SNX4: variants seen among roughly 807,000 people sequenced by gnomAD.
The protein encoded by SNX4 is sorting nexin-4.
A neutral mutation model predicts 70.8 loss-of-function variants in SNX4; 49 were observed. The ratio of observed to expected loss-of-function variants is 0.69; its 90% confidence interval spans 0.55 to 0.88. SNX4 has a LOEUF of 0.88. SNX4 is among the 40% of genes least tolerant of loss of function. The probability of loss-of-function intolerance (pLI) is 0.00; values close to 1 mark genes in which losing one functional copy is unlikely to be tolerated. For synonymous variants in SNX4, 206 were observed against 183.8 expected, an observed-to-expected ratio of 1.12 and a Z score of -0.98; for missense variants, 528 against 544.8, an observed-to-expected ratio of 0.97 and a Z score of 0.31.
At chr3:125,514,096 T>A (rs1318611298) in intron 1 of SNX4, among the ~76,000 whole-genome samples, 1 of 151,586 alleles carries the variant, frequency 6.6e-6, no homozygotes, top group Admixed American at 6.6e-5. Flanking sequence ...CATGATCTAA[T>A]CACCTTCCAA....
chr3:125,494,754 G>A (rs1229115930), intron 5 of SNX4, among the ~76,000 whole-genome samples: 2 of 152,142 alleles, frequency 1.3e-5, no homozygotes, highest in Non-Finnish European at 2.9e-5. Flanking sequence ...AATTAAGAGT[G>A]CACAAGCAAA....
In SNX4 at chr3:125,447,484, T is replaced by C. The variant is rs1933451784; in HGVS notation, c.*295A>G. The C allele has an allele frequency of 4.1e-6, 1 of 241,822 alleles. No homozygotes were observed. Among genetic ancestry groups the C allele is most frequent in the African/African-American group, 2.3e-5 (1 of 44,312 alleles). 15.0% of individuals were successfully genotyped at this position (241,822 alleles called of 1,614,324 possible). A position where few individuals can be genotyped will look rare whatever the true frequency, so the allele number is the denominator to read the frequency against. ...ACAAACATCTAGAAATTAACGAACATCTTGACATTCAGTCATTGGTTCAGA... is the reference window on the plus strand; with the variant it reads ...ACAAACATCTAGAAATTAACGAACACCTTGACATTCAGTCATTGGTTCAGA... On this transcript the variant is annotated 3_prime_UTR_variant, in exon 14 of 14. Transcript: ENST00000251775.
At chr3:125,517,543 A>AT (rs1261364808) in intron 1 of SNX4, among the ~76,000 whole-genome samples, 1 of 152,136 alleles carries the variant, frequency 6.6e-6, no homozygotes, top group African/African-American at 2.4e-5. Flanking sequence ...TTTTAGTTTG[A>AT]TTTTCTCTTT....
chr3:125,480,185 A>C (rs1934378988), intron 7 of SNX4, 62 bp downstream of exon 7: 1 of 1,026,478 alleles, frequency 9.7e-7, no homozygotes, highest in Admixed American at 2.7e-5. Flanking sequence ...TGAAAACAGA[A>C]TGATTACATG....
At chr3:125,488,779 A>G (rs73859201) in intron 6 of SNX4, among the ~76,000 whole-genome samples, 1 of 152,234 alleles carries the variant, frequency 6.6e-6, no homozygotes, top group Non-Finnish European at 1.5e-5. Flanking sequence ...GCCTAAGCAC[A>G]TATCCAATTA....
chr3:125,448,899 G>C (rs531702931), intron 13 of SNX4, among the ~76,000 whole-genome samples: 1 of 151,372 alleles, frequency 6.6e-6, no homozygotes, highest in Admixed American at 6.6e-5. Context: ...GGATGGTGTC[G>C]ATCTCCTGAC....
At chr3:125,484,158 A>G (rs977110569) in intron 6 of SNX4, among the ~76,000 whole-genome samples, 7 of 152,322 alleles carry the variant, frequency 4.6e-5, no homozygotes, top group East Asian at 1.9e-4. Context: ...GAGGTTGTCT[A>G]TATCCAAACC....
At chr3:125,456,403 G>T (rs1036556551) in intron 11 of SNX4, among the ~76,000 whole-genome samples, 95 of 152,142 alleles carry the variant, frequency 6.2e-4, no homozygotes, top group African/African-American at 2.2e-3. Context: ...GCTTACCCCT[G>T]TAATCCTAGC....
intron 10 of SNX4, among the ~76,000 whole-genome samples, chr3:125,460,399 G>A (rs558828451): frequency 9.9e-5 from 15 of 152,244 alleles, no homozygotes; most frequent in Non-Finnish European, 1.3e-4. Context: ...ACATAAGGAC[G>A]TTGTACAAGC....
intron 13 of SNX4, among the ~76,000 whole-genome samples, chr3:125,450,961 A>G (rs1056411675): frequency 3.3e-5 from 5 of 152,200 alleles, no homozygotes; most frequent in Admixed American, 3.3e-4. Context: ...AGTAATGGGC[A>G]TACTGGTTGT....
intron 6 of SNX4, among the ~76,000 whole-genome samples, chr3:125,484,239 C>T (rs1323984062): frequency 1.3e-5 from 2 of 152,180 alleles, no homozygotes; most frequent in Non-Finnish European, 2.9e-5. Context: ...CCATTACAGG[C>T]TTTATGCTTC....
intron 1 of SNX4, among the ~76,000 whole-genome samples, chr3:125,513,515 C>T (rs1935213264): frequency 6.6e-6 from 1 of 152,082 alleles, no homozygotes; most frequent in Non-Finnish European, 1.5e-5. Context: ...TACTTTTCCG[C>T]CATTATTTTT....
intron 1 of SNX4, among the ~76,000 whole-genome samples, chr3:125,506,344 C>CTTTTTTTTTTTTTT (rs552693772): frequency 4.4e-5 from 6 of 137,720 alleles, no homozygotes; most frequent in African/African-American, 1.6e-4. Flanking sequence ...TTTTTCATTT[C>CTTTTTTTTTTTTTT]TTTTTTTTTT....
At chr3:125,507,652 T>A (rs923538155) in intron 1 of SNX4, among the ~76,000 whole-genome samples, 1 of 152,318 alleles carries the variant, frequency 6.6e-6, no homozygotes, top group East Asian at 1.9e-4. Flanking sequence ...ATAAGGAATC[T>A]TCAATAAGGT....
At chr3:125,493,149 A>G (rs1934699470) in intron 5 of SNX4, among the ~76,000 whole-genome samples, 1 of 152,132 alleles carries the variant, frequency 6.6e-6, no homozygotes, top group African/African-American at 2.4e-5. Flanking sequence ...GAGTCTTGCT[A>G]TGTTACCCAG....
intron 1 of SNX4, among the ~76,000 whole-genome samples, chr3:125,509,752 C>CAAAAAAAAAAAAAAA (rs202049305): frequency 1.5e-5 from 1 of 68,686 alleles, no homozygotes; most frequent in Non-Finnish European, 2.8e-5. Context: ...GAATCTGTCT[C>CAAAAAAAAAAAAAAA]AAAAAAAAAA....
rs1391427898 is a variant in SNX4 at position 125,498,069 on chromosome 3, G to A, written c.389C>T (p.Pro130Leu). ...YYPHIVVPPLPEKRAEFVWHK... is the reference protein window; with the variant it reads ...YYPHIVVPPLLEKRAEFVWHK... ...CATTTCACTTCTTACCCGTTTTTCT[G>A]GCAGAGGTGGCACAACAATATGTGG... The change falls in exon 3 of 14, where the codon CCA (proline) becomes CTA (leucine). Residue 130 changes from proline to leucine, a missense_variant. Transcript: ENST00000251775. 1.2e-6 allele frequency: 2 copies of A among 1,613,944 alleles called. No homozygotes were observed. The highest frequency in any genetic ancestry group is 1.3e-5 in the African/African-American group (1 of 74,998).
chr3:125,448,532 T>C (rs1559806722), intron 13 of SNX4, among the ~76,000 whole-genome samples: 1 of 152,028 alleles, frequency 6.6e-6, no homozygotes, highest in Non-Finnish European at 1.5e-5. Context: ...AAAGTTTTGA[T>C]AAAAACTAAT....
intron 6 of SNX4, among the ~76,000 whole-genome samples, chr3:125,487,784 A>T (rs1049760899): frequency 1.3e-5 from 2 of 151,698 alleles, no homozygotes; most frequent in Non-Finnish European, 2.9e-5. Context: ...AACTATAGCG[A>T]TAATAAAAAG....
Sources: gnomAD v4.1 joint callset for allele counts (sites outside exome capture counted in the v4.1 genomes callset) on GRCh38, gnomAD v4.1.1 for gene constraint, MANE v1.5 for transcripts, NCBI Gene and HGNC (gene_info 2026-07-23, HGNC 2026-07-21) for gene names.